Variants in FEZ2 observed in about 807,000 individuals in gnomAD.
The protein encoded by FEZ2 is fasciculation and elongation protein zeta-2.
In FEZ2, 51 loss-of-function variants were observed where a neutral mutation model predicts 40.4. The observed-to-expected ratio is 1.26, with a 90% CI of 1.01 to 1.59. FEZ2 has a LOEUF of 1.59. Among genes scored for constraint, FEZ2 ranks in the 40% most tolerant of loss-of-function variants. The probability of loss-of-function intolerance (pLI) is 0.00; values close to 1 mark genes in which losing one functional copy is unlikely to be tolerated. For synonymous variants in FEZ2, 242 were observed against 172.0 expected, an observed-to-expected ratio of 1.41 and a Z score of -3.18; for missense variants, 640 against 438.3, an observed-to-expected ratio of 1.46 and a Z score of -4.11.
intron 7 of FEZ2, among the ~76,000 whole-genome samples, chr2:36,554,996 C>A (rs1667918125): frequency 6.6e-6 from 1 of 152,186 alleles, no homozygotes; most frequent in South Asian, 2.1e-4. Context: ...AAAAATATTT[C>A]ATCGTAAAGT....
chr2:36,595,080 C>T (rs1038085911), intron 1 of FEZ2, among the ~76,000 whole-genome samples: 8 of 152,116 alleles, frequency 5.3e-5, no homozygotes, highest in African/African-American at 1.7e-4. Context: ...CTGCCAACAT[C>T]GAATCCTGCA....
chr2:36,597,592 C>G (rs1463835613), intron 1 of FEZ2, among the ~76,000 whole-genome samples: 1 of 152,142 alleles, frequency 6.6e-6, no homozygotes, highest in African/African-American at 2.4e-5. Flanking sequence ...TAACTATGGG[C>G]TCTGCATGGG....
At chr2:36,584,671 G>A (rs1023344298) in intron 2 of FEZ2, among the ~76,000 whole-genome samples, 1 of 152,160 alleles carries the variant, frequency 6.6e-6, no homozygotes, top group Non-Finnish European at 1.5e-5. Context: ...ACATAGTGTA[G>A]AACTAACATG....
rs112978984 is a variant in FEZ2 at position 36,577,960 on chromosome 2, G to A, written c.903+637C>T. On this transcript the variant is annotated intron_variant, in intron 5 of 7. Coordinates refer to ENST00000405912, the MANE Select transcript of FEZ2 (RefSeq NM_005102.3). ...TTCTTCACACACAAACAAAATCAAG[G>A]TGGGAATACACAAGACTTCAACACA... is the stretch of plus-strand genomic sequence containing the variant. Among the ~76,000 whole-genome samples the A allele has an allele frequency of 6.0e-3, 907 of 152,218 alleles. 7 individuals carry two copies. Among genetic ancestry groups the A allele is most frequent in the Non-Finnish European group, 0.01 (695 of 68,006 alleles).
intron 5 of FEZ2, among the ~76,000 whole-genome samples, chr2:36,572,878 A>T (rs1004996892): frequency 6.6e-6 from 1 of 152,224 alleles, no homozygotes; most frequent in African/African-American, 2.4e-5. Flanking sequence ...AAGAAAATAT[A>T]TACAAGAAAG....
rs549535739 is a variant in FEZ2 at position 36,577,433 on chromosome 2, T to A, written c.903+1164A>T. Among the ~76,000 whole-genome samples, 5 of 152,324 alleles carry A rather than the reference T, an allele frequency of 3.3e-5. No individual in the cohort carries two copies. The South Asian group carries it at 1.0e-3, about 32-fold the overall frequency. On this transcript the variant is annotated intron_variant, in intron 5 of 7. Transcript: ENST00000405912. Reference sequence around the variant, plus strand: ...GCACCACACCCGGCTAATTTTATATTTTTAGTAGAGACGGGGTTTCTCCAT... The same window carrying A: ...GCACCACACCCGGCTAATTTTATATATTTAGTAGAGACGGGGTTTCTCCAT...
At chr2:36,591,832 AT>A (rs1669083748) in intron 1 of FEZ2, among the ~76,000 whole-genome samples, 1 of 152,170 alleles carries the variant, frequency 6.6e-6, no homozygotes, top group African/African-American at 2.4e-5. Context: ...CTCCCTAGGT[AT>A]CCTCTGCCCT....
At chr2:36,576,535 T>G (rs1416633787) in intron 5 of FEZ2, among the ~76,000 whole-genome samples, 1 of 152,158 alleles carries the variant, frequency 6.6e-6, no homozygotes, top group Non-Finnish European at 1.5e-5. Flanking sequence ...CCTCCCAAAG[T>G]GCTGGGATTA....
At chr2:36,591,581 A>G (rs1212906670) in intron 1 of FEZ2, 2 of 152,644 alleles carry the variant, frequency 1.3e-5, no homozygotes, top group East Asian at 3.8e-4. Flanking sequence ...ACAGGATTTA[A>G]TATCTAATTT....
At position 36,597,993 on chromosome 2, in the gene FEZ2, C is replaced by G; in HGVS notation, c.150G>C (p.Pro50=). The G allele has an allele frequency of 6.7e-7, 1 of 1,497,146 alleles. No homozygotes were observed. The highest frequency in any genetic ancestry group is 8.9e-7 in the Non-Finnish European group (1 of 1,129,002). 92.7% of individuals were successfully genotyped at this position (1,497,146 alleles called of 1,614,324 possible). A position where few individuals can be genotyped will look rare whatever the true frequency, so the allele number is the denominator to read the frequency against. The change falls in exon 1 of 8, where the codon CCG becomes CCC. Residue 50 remains proline (P), a synonymous_variant. Transcript: ENST00000405912. The part of the protein sequence containing the change: ...AGGGADGFPA[P]ACSLEEKLSL... ...TCAGCTTCTCCTCCAAGCTGCAGGC[C>G]GGGGCCGGGAAACCGTCGGCGCCCC...
intron 1 of FEZ2, among the ~76,000 whole-genome samples, chr2:36,597,234 C>T (rs1256150584): frequency 6.6e-6 from 1 of 152,216 alleles, no homozygotes; most frequent in African/African-American, 2.4e-5. Flanking sequence ...CCACCTAGAA[C>T]GTTAGACTTT....
chr2:36,553,002 A>G lies in FEZ2; in HGVS notation c.*161T>C, dbSNP rs1431599161. ...TAGTGCCCATATTTCCGTTGGTTCT[A>G]TAATATAAAGAATTAGTGTAGTCAA... On this transcript the variant is annotated 3_prime_UTR_variant, in exon 8 of 8. Coordinates refer to ENST00000405912, the MANE Select transcript of FEZ2 (RefSeq NM_005102.3). The G allele has an allele frequency of 1.0e-5, 6 of 582,674 alleles. No homozygotes were observed. The highest frequency in any genetic ancestry group is 6.5e-5 in the Admixed American group (2 of 30,584). 36.1% of individuals were successfully genotyped at this position (582,674 alleles called of 1,614,324 possible).
chr2:36,591,180 G>A (rs1448983436), intron 1 of FEZ2, 169 bp from the exon 2 acceptor site: 8 of 593,446 alleles, frequency 1.3e-5, no homozygotes, highest in East Asian at 5.6e-5. Flanking sequence ...AAACAAAAAC[G>A]AGGTGAAAAA....
At chr2:36,583,491 A>G (rs1173623495) in intron 2 of FEZ2, 22 bp from the exon 3 acceptor site, 1 of 1,222,034 alleles carries the variant, frequency 8.2e-7, no homozygotes, top group East Asian at 2.3e-5. Context: ...AATACCCATC[A>G]TTAAAAGCAG....
chr2:36,584,282 C>G (rs1432215283), intron 2 of FEZ2, among the ~76,000 whole-genome samples: 1 of 152,198 alleles, frequency 6.6e-6, no homozygotes, highest in Non-Finnish European at 1.5e-5. Flanking sequence ...CAAGGCCAAT[C>G]TCAACAGTTT....
At chr2:36,580,024 G>A (rs980288230) in intron 4 of FEZ2, among the ~76,000 whole-genome samples, 3 of 152,110 alleles carry the variant, frequency 2.0e-5, no homozygotes, top group African/African-American at 4.8e-5. Flanking sequence ...GGAAAAGGCA[G>A]CCATCTGCAT....
chr2:36,566,977 G>A (rs1668260475), intron 5 of FEZ2, among the ~76,000 whole-genome samples: 1 of 151,718 alleles, frequency 6.6e-6, no homozygotes, highest in African/African-American at 2.4e-5. Context: ...CTCTCTATAG[G>A]ACTAAATAAA....
chr2:36,584,813 G>A (rs760976404), intron 2 of FEZ2, among the ~76,000 whole-genome samples: 1 of 152,144 alleles, frequency 6.6e-6, no homozygotes, highest in Non-Finnish European at 1.5e-5. Flanking sequence ...AAGTTTGCAG[G>A]TGAACACAGC....
chr2:36,570,308 T>C (rs1668372118), intron 5 of FEZ2, among the ~76,000 whole-genome samples: 1 of 152,010 alleles, frequency 6.6e-6, no homozygotes, highest in African/African-American at 2.4e-5. Flanking sequence ...ATTAAACAAC[T>C]GTTATATGAG....
Sources: allele counts gnomAD v4.1 joint callset (sites outside exome capture counted in the v4.1 genomes callset), GRCh38; gene constraint gnomAD v4.1.1; transcripts MANE v1.5; gene names NCBI Gene and HGNC (gene_info 2026-07-23, HGNC 2026-07-21).